DUOX2: variants seen among roughly 807,000 people sequenced by gnomAD.
The protein encoded by DUOX2 is NADH/NADPH thyroid oxidase p138-tox.
Under a neutral mutation model 183.3 loss-of-function variants are expected in DUOX2, and 185 were observed. The observed-to-expected ratio is 1.01, with a 90% CI of 0.90 to 1.14. DUOX2 has a LOEUF of 1.14. DUOX2 is among the 50% of genes most tolerant of loss of function. DUOX2 has a pLI of 0.00. For missense variants in DUOX2, 1,999 were observed against 2,022.9 expected, an observed-to-expected ratio of 0.99 and a Z score of 0.23; for synonymous variants, 788 against 812.4, an observed-to-expected ratio of 0.97 and a Z score of 0.51.
In DUOX2 at chr15:45,107,475, G is replaced by T. The variant is rs769096925; in HGVS notation, c.1575-12C>A. ...TCTTGGAGAACAGCCTAAGTTGGAGGAAGTAGAAGTCACTGGGATGGGAAG... is the reference window on the plus strand; with the variant it reads ...TCTTGGAGAACAGCCTAAGTTGGAGTAAGTAGAAGTCACTGGGATGGGAAG... On this transcript the variant is annotated splice_polypyrimidine_tract_variant and intron_variant, in intron 13 of 33. Coordinates refer to ENST00000389039, the MANE Select transcript of DUOX2 (RefSeq NM_001363711.2). 43 of 1,613,584 alleles carry T rather than the reference G, an allele frequency of 2.7e-5. 1 individual carries two copies. Among genetic ancestry groups the T allele is most frequent in the South Asian group, 1.2e-4 (11 of 91,060 alleles).
At chr15:45,103,046 T>C (rs1894121673) in intron 20 of DUOX2, among the ~76,000 whole-genome samples, 1 of 152,134 alleles carries the variant, frequency 6.6e-6, no homozygotes, top group Admixed American at 6.5e-5. Flanking sequence ...AGGGACCCTC[T>C]CCTAGATTCC....
In DUOX2 at chr15:45,107,325, T is replaced by C. The variant is rs1894245491; in HGVS notation, c.1693+20A>G. ...TTCTCTGGCCACTGTCACTCACTTG[T>C]GTTCTCCCACGGCACTCACCTTTAT... On this transcript the variant is annotated intron_variant, in intron 14 of 33. Transcript: ENST00000389039. 2 of 1,613,386 alleles carry C rather than the reference T, an allele frequency of 1.2e-6. No individual in the cohort carries two copies. The highest frequency in any genetic ancestry group is 1.7e-6 in the Non-Finnish European group (2 of 1,179,404).
At position 45,099,795 on chromosome 15, in the gene DUOX2, G is replaced by A. The variant is rs753221072; in HGVS notation, c.3282C>T (p.Phe1094=). 1.2e-6 allele frequency: 2 copies of A among 1,614,228 alleles called. No individual in the cohort carries two copies. The highest frequency in any genetic ancestry group is 2.7e-5 in the African/African-American group (2 of 75,060). ...RGTAASVSFM[F]SYILLTMCRN... ...GGCACATGGTGAGCAAGATATAAGA[G>A]AACATGAAGGAGACGCTGGCCGCCG... is the stretch of plus-strand genomic sequence containing the variant. The change falls in exon 25 of 34, where the codon TTC becomes TTT. Residue 1094 remains phenylalanine (F), a synonymous_variant. Transcript: ENST00000389039.
rs559663716 is a variant in DUOX2 at position 45,099,695 on chromosome 15, G to A, written c.3382C>T (p.Arg1128Cys). ...VPFDAAVDFH[R>C]WIAMAAVVLA... Reference sequence around the variant, plus strand: ...ACAACAGCAGCCATGGCGATCCAGCGGTGGAAGTCCACTGCGGCATCAAAA... The same window carrying A: ...ACAACAGCAGCCATGGCGATCCAGCAGTGGAAGTCCACTGCGGCATCAAAA... The change falls in exon 25 of 34, where the codon CGC (arginine) becomes TGC (cysteine). Residue 1128 changes from arginine to cysteine, a missense_variant. Arg to Cys is a radical substitution (Grantham distance 180, BLOSUM62 -3). Transcript: ENST00000389039. 25 of 1,614,184 alleles carry A rather than the reference G, an allele frequency of 1.5e-5. No homozygotes were observed. The highest frequency in any genetic ancestry group is 2.2e-5 in the East Asian group (1 of 44,878).
rs1200339307 is a variant in DUOX2, at chr15:45,101,852, T to C, written c.2792A>G (p.His931Arg). Residue 931 changes from histidine (H) to arginine (R), a missense_variant, in exon 21 of 34, where the codon CAT becomes CGT. Transcript: ENST00000389039. ...WEDFHFMLRD[H>R]DSELRFTQLC... ...CTGCGTGAAGCGGAGCTCGCTGTCATGGTCCCGCAGCATGAAGTGAAAATC... is the reference window on the plus strand; with the variant it reads ...CTGCGTGAAGCGGAGCTCGCTGTCACGGTCCCGCAGCATGAAGTGAAAATC... 4 of 1,614,124 alleles carry C rather than the reference T, an allele frequency of 2.5e-6. No homozygotes were observed. Among genetic ancestry groups the C allele is most frequent in the Non-Finnish European group, 3.4e-6 (4 of 1,180,044 alleles).
intron 4 of DUOX2, among the ~76,000 whole-genome samples, chr15:45,112,187 T>C (rs1304520596): frequency 6.6e-6 from 1 of 152,130 alleles, no homozygotes; most frequent in Non-Finnish European, 1.5e-5. Flanking sequence ...ATCAAAATGA[T>C]ATAATTTATG....
intron 26 of DUOX2, 43 bp from the exon 27 acceptor site, chr15:45,098,101 G>A (rs1480063381): frequency 5.1e-6 from 8 of 1,577,918 alleles, no homozygotes; most frequent in East Asian, 2.2e-5. Flanking sequence ...GGGGCAGGAG[G>A]GGCTCCAGCA....
In DUOX2 at chr15:45,108,216, C is replaced by A. The variant is rs757747516; in HGVS notation, c.1405G>T (p.Glu469Ter). The stretch of plus-strand genomic sequence containing the variant: ...TGGTTGTACAGGGCAGCTGTGGCCT[C>A]CAGCACCTGGGGCACCACAGGAGAT... ...LNPNVDPQVL[E>*]ATAALYNQDL... The change falls in exon 13 of 34, where the codon GAG becomes TAG. Residue 469 changes from glutamate (E) to a stop codon, truncating the protein, a stop_gained. Transcript: ENST00000389039. LOFTEE classifies it high-confidence loss of function. 2 of 1,614,016 alleles carry A rather than the reference C, an allele frequency of 1.2e-6. No homozygotes were observed. The highest frequency in any genetic ancestry group is 3.3e-5 in the Admixed American group (2 of 60,008).
chr15:45,095,383 G>A (rs1437589381), intron 31 of DUOX2, 54 bp downstream of exon 31: 20 of 1,609,436 alleles, frequency 1.2e-5, no homozygotes, highest in Non-Finnish European at 1.4e-5. Flanking sequence ...ACTTGATGCG[G>A]GTCACAATTC....
At chr15:45,112,073 C>T in intron 4 of DUOX2, 118 bp from the exon 5 acceptor site, 1 of 1,270,062 alleles carries the variant, frequency 7.9e-7, no homozygotes, top group Non-Finnish European at 1.1e-6. Context: ...GCCAGCTCCG[C>T]CACCAGCTCT....
chr15:45,113,488 G>A, intron 1 of DUOX2, 63 bp from the exon 2 acceptor site: 1 of 1,299,476 alleles, frequency 7.7e-7, no homozygotes. Flanking sequence ...CGTCCTCTAT[G>A]CCTCCCCTCT....
chr15:45,099,816 C>T lies in DUOX2; in HGVS notation c.3261G>A (p.Ala1087=), dbSNP rs79480907. ...LVGIILSRGT[A]ASVSFMFSYI... is the part of the protein sequence containing the mutation. ...AAGAGAACATGAAGGAGACGCTGGC[C>T]GCCGTGCCTCGTGACAGGATGATGC... The change falls in exon 25 of 34, where the codon GCG becomes GCA. Residue 1087 remains alanine (A), a synonymous_variant. Transcript: ENST00000389039. The T allele has an allele frequency of 2.3e-3, 3,683 of 1,614,158 alleles. 75 individuals are homozygous for T. In the African/African-American group the frequency reaches 0.044, roughly 19 times the overall value.
chr15:45,098,175 C>T lies in DUOX2; in HGVS notation c.3516-117G>A, dbSNP rs1323366589. The T allele has an allele frequency of 3.9e-5, 38 of 978,542 alleles. No homozygotes were observed. In the South Asian group the frequency reaches 5.1e-4, roughly 13 times the overall value. 60.6% of individuals were successfully genotyped at this position (978,542 alleles called of 1,614,324 possible). A position where few individuals can be genotyped will look rare whatever the true frequency, so the allele number is the denominator to read the frequency against. ...GACTGCTGAGGGTATGGGGCCTCCACCCAGTTGGCCAGGGATCCCTCCAAG... is the reference window on the plus strand; with the variant it reads ...GACTGCTGAGGGTATGGGGCCTCCATCCAGTTGGCCAGGGATCCCTCCAAG... On this transcript the variant is annotated intron_variant, in intron 26 of 33. Transcript: ENST00000389039.
Position 45,097,711 on chromosome 15 carries a change from AG to A in DUOX2, c.3595del (p.Leu1199TrpfsTer22). The A allele has an allele frequency of 6.2e-7, 1 of 1,614,244 alleles. No individual in the cohort carries two copies. The highest frequency in any genetic ancestry group is 8.5e-7 in the Non-Finnish European group (1 of 1,180,044). On this transcript the variant is annotated frameshift_variant, in exon 28 of 34. Coordinates refer to ENST00000389039, the MANE Select transcript of DUOX2 (RefSeq NM_001363711.2). LOFTEE classifies it high-confidence loss of function. ...GGAGGCGAAGACATACATGATGGCC[AG>A]GACCAGGAGCAGAAGCACACCTGTC... is the stretch of plus-strand genomic sequence containing the variant. ...GMTGVLLLLV[L>X]AIMYVFASHH...
Position 45,108,856 on chromosome 15 carries a change from G to A in DUOX2, c.1331C>T (p.Ala444Val). The A allele has an allele frequency of 6.2e-7, 1 of 1,614,230 alleles. No individual in the cohort carries two copies. Among genetic ancestry groups the A allele is most frequent in the Admixed American group, 1.7e-5 (1 of 60,032 alleles). ...RDMGLPSYSQ[A>V]LLAFGLDIPR... The stretch of plus-strand genomic sequence containing the variant: ...GATGTCCAGCCCAAAGGCCAGCAGG[G>A]CCTGGCTATAGCTGGGCAGCCCCAT... The change falls in exon 12 of 34, where the codon GCC becomes GTC. Residue 444 changes from alanine to valine, a missense_variant. Transcript: ENST00000389039.
intron 10 of DUOX2, 122 bp downstream of exon 10, chr15:45,109,768 T>C (rs1894328150): frequency 1.5e-6 from 2 of 1,305,180 alleles, no homozygotes; most frequent in Non-Finnish European, 2.2e-6. Context: ...TAATTTCCTC[T>C]ACCCTTCATC....
Position 45,101,758 on chromosome 15 carries a change from C to T in DUOX2, c.2851+35G>A, listed in dbSNP as rs774067660. 1.7e-5 allele frequency: 28 copies of T among 1,613,940 alleles called. No homozygotes were observed. In the East Asian group the frequency reaches 4.9e-4, roughly 28 times the overall value. On this transcript the variant is annotated intron_variant, in intron 21 of 33. Transcript: ENST00000389039. ...AACTCTCATTTTGAGGACACGCCCC[C>T]CCTCCCTGACGCCAACCATTCCTCA... is the stretch of plus-strand genomic sequence containing the variant.
chr15:45,094,413 T>C (rs1893845546), intron 33 of DUOX2, 141 bp from the exon 34 acceptor site: 1 of 1,518,688 alleles, frequency 6.6e-7, no homozygotes, highest in Admixed American at 1.9e-5. Flanking sequence ...GTGGAGGGGG[T>C]GGAAGTCCCC....
intron 20 of DUOX2, 125 bp from the exon 21 acceptor site, chr15:45,102,114 A>G (rs1894099950): frequency 2.4e-5 from 30 of 1,253,332 alleles, no homozygotes; most frequent in Non-Finnish European, 3.4e-5. Context: ...GGCACTGAGA[A>G]GGTGCTCATC....
Sources: gnomAD v4.1 joint callset for allele counts (sites outside exome capture counted in the v4.1 genomes callset) on GRCh38, gnomAD v4.1.1 for gene constraint, MANE v1.5 for transcripts, NCBI Gene and HGNC (gene_info 2026-07-23, HGNC 2026-07-21) for gene names.